Variants in FUT9 observed in about 807,000 individuals in gnomAD.
The protein encoded by FUT9 is 4-galactosyl-N-acetylglucosaminide 3-alpha-L-fucosyltransferase 9.
In FUT9, 15 loss-of-function variants were observed where a neutral mutation model predicts 29.7. The ratio of observed to expected loss-of-function variants is 0.51; its 90% CI spans 0.34 to 0.78. The LOEUF (loss-of-function observed/expected upper bound fraction) is 0.78. Among genes scored for constraint, FUT9 ranks in the 30% least tolerant of loss-of-function variants. FUT9 has a pLI of 0.01. For synonymous variants in FUT9, 169 were observed against 153.7 expected (o/e 1.10, Z -0.74); for missense variants, 319 against 425.4 (o/e 0.75, Z 2.20).
chr6:96,063,393 T>C (rs1159138282), intron 1 of FUT9, among the ~76,000 whole-genome samples: 1 of 152,060 alleles, frequency 6.6e-6, no homozygotes, highest in Non-Finnish European at 1.5e-5. Context: ...GCGCATCACA[T>C]GGCAAAAGCA....
chr6:96,088,463 A>C (rs975058220), intron 1 of FUT9, among the ~76,000 whole-genome samples: 7 of 147,338 alleles, frequency 4.8e-5, no homozygotes, highest in African/African-American at 7.7e-5. Flanking sequence ...AATTTTTAGG[A>C]CTCCTATTAT....
At chr6:96,114,341 A>G (rs1016493837) in intron 2 of FUT9, among the ~76,000 whole-genome samples, 3 of 151,966 alleles carry the variant, frequency 2.0e-5, no homozygotes, top group Non-Finnish European at 2.9e-5. Flanking sequence ...ATTTTCTGTC[A>G]TGGTAGGTAG....
At chr6:96,168,854 TA>T (rs764577211) in intron 2 of FUT9, among the ~76,000 whole-genome samples, 1 of 152,172 alleles carries the variant, frequency 6.6e-6, no homozygotes, top group Non-Finnish European at 1.5e-5. Context: ...GGGGGCTCAA[TA>T]TTTTTTAATA....
At chr6:96,074,375 T>C (rs749321190) in intron 1 of FUT9, among the ~76,000 whole-genome samples, 27 of 152,178 alleles carry the variant, frequency 1.8e-4, no homozygotes, top group Non-Finnish European at 3.7e-4. Context: ...AAGCAAATGG[T>C]ATAATGAAAG....
chr6:96,147,657 T>C (rs1026898543), intron 2 of FUT9, among the ~76,000 whole-genome samples: 9 of 151,950 alleles, frequency 5.9e-5, no homozygotes, highest in Non-Finnish European at 8.8e-5. Context: ...ATGTGAACAT[T>C]TGCCACTAGT....
At chr6:96,056,767 A>C (rs1969864) in intron 1 of FUT9, among the ~76,000 whole-genome samples, 2,749 of 152,022 alleles carry the variant, frequency 0.018, 84 homozygotes, top group African/African-American at 0.062. Flanking sequence ...AAAAAAAAAA[A>C]CCTAAGCTTT....
At position 96,199,467 on chromosome 6, in the gene FUT9, A is replaced by C. The variant is rs551809785; in HGVS notation, c.-8-3681A>C. Among the ~76,000 whole-genome samples, 187 of 152,268 alleles carry C rather than the reference A, an allele frequency of 1.2e-3. 1 individual carries two copies. The highest frequency in any genetic ancestry group is 2.2e-3 in the Non-Finnish European group (149 of 68,016). ...GAAGGATAACCTCAAGTTATATAAA[A>C]TATCCAGGAAGCATGAAAACTGGAA... On this transcript the variant is annotated intron_variant, in intron 2 of 2. Transcript: ENST00000302103.
rs1052269405 is a variant in FUT9, at chr6:96,212,257, C to T, written c.*8022C>T. Reference sequence around the variant, plus strand: ...TTAAATGAGATAATCCTGAAGATGCCATCCTTGTCCAAGGTGAGATTGCCA... The same window carrying T: ...TTAAATGAGATAATCCTGAAGATGCTATCCTTGTCCAAGGTGAGATTGCCA... On this transcript the variant is annotated 3_prime_UTR_variant, in exon 3 of 3. Coordinates refer to ENST00000302103, the MANE Select transcript of FUT9 (RefSeq NM_006581.4). The T allele has an allele frequency of 1.7e-5, 7 of 412,596 alleles. No homozygotes were observed. The highest frequency in any genetic ancestry group is 2.2e-5 in the Non-Finnish European group (5 of 225,624). The allele number at this position is 412,596 out of a possible 1,614,324, so 25.6% of individuals were successfully genotyped here.
intron 1 of FUT9, among the ~76,000 whole-genome samples, chr6:96,096,592 C>G (rs1771499901): frequency 6.6e-6 from 1 of 151,738 alleles, no homozygotes; most frequent in South Asian, 2.1e-4. Flanking sequence ...CTGCTCTGGT[C>G]CCCTCACAGG....
chr6:96,130,710 C>T (rs1161687195), intron 2 of FUT9, among the ~76,000 whole-genome samples: 1 of 152,124 alleles, frequency 6.6e-6, no homozygotes, highest in Admixed American at 6.5e-5. Flanking sequence ...TTCTTTGACA[C>T]AATTTTAATT....
intron 2 of FUT9, among the ~76,000 whole-genome samples, chr6:96,140,347 G>T (rs548747376): frequency 5.1e-4 from 77 of 152,108 alleles, no homozygotes; most frequent in Non-Finnish European, 1.0e-3. Context: ...AAGTCTATAG[G>T]ACGTTACAAA....
At chr6:96,078,690 G>T (rs1035494509) in intron 1 of FUT9, among the ~76,000 whole-genome samples, 12 of 151,890 alleles carry the variant, frequency 7.9e-5, no homozygotes, top group Admixed American at 4.6e-4. Flanking sequence ...AAAGTGCTGG[G>T]ATTACAGGCC....
chr6:96,043,823 A>T (rs1217918309), intron 1 of FUT9, among the ~76,000 whole-genome samples: 1 of 152,154 alleles, frequency 6.6e-6, no homozygotes, highest in African/African-American at 2.4e-5. Flanking sequence ...GTCATAGGAA[A>T]ATCAATATCA....
intron 2 of FUT9, among the ~76,000 whole-genome samples, chr6:96,138,868 G>T (rs375119740): frequency 1.3e-5 from 2 of 151,930 alleles, no homozygotes; most frequent in East Asian, 3.9e-4. Flanking sequence ...ACTTAGTATG[G>T]AGCTTTCAGG....
intron 2 of FUT9, among the ~76,000 whole-genome samples, chr6:96,168,947 G>T (rs573794102): frequency 3.4e-4 from 52 of 152,316 alleles, no homozygotes; most frequent in African/African-American, 1.2e-3. Flanking sequence ...ATCGCAACAG[G>T]CAGGAAAGCA....
At chr6:96,035,424 C>T (rs369447361) in intron 1 of FUT9, among the ~76,000 whole-genome samples, 13 of 151,312 alleles carry the variant, frequency 8.6e-5, no homozygotes, top group Admixed American at 6.0e-4. Context: ...TTCATCTCAT[C>T]TTCCTTTGCC....
At chr6:96,085,413 C>A (rs1052499900) in intron 1 of FUT9, among the ~76,000 whole-genome samples, 1 of 152,186 alleles carries the variant, frequency 6.6e-6, no homozygotes, top group African/African-American at 2.4e-5. Flanking sequence ...TTTGTGGTCT[C>A]TTTTATAAGG....
At chr6:96,079,140 A>T (rs954880130) in intron 1 of FUT9, among the ~76,000 whole-genome samples, 12 of 152,224 alleles carry the variant, frequency 7.9e-5, no homozygotes, top group South Asian at 4.2e-4. Flanking sequence ...TTGAAAATAG[A>T]TATTCAAGAT....
At chr6:96,082,623 G>C (rs958290193) in intron 1 of FUT9, among the ~76,000 whole-genome samples, 2 of 151,808 alleles carry the variant, frequency 1.3e-5, no homozygotes, top group African/African-American at 4.8e-5. Context: ...ATTTAGCAGA[G>C]AGTCTTGGCT....
Sources: gnomAD v4.1 joint callset for allele counts (sites outside exome capture counted in the v4.1 genomes callset) on GRCh38, gnomAD v4.1.1 for gene constraint, MANE v1.5 for transcripts, NCBI Gene and HGNC (gene_info 2026-07-23, HGNC 2026-07-21) for gene names.